The following TACR1 variants were observed in gnomAD, a reference collection of about 807,000 sequenced individuals.
The protein encoded by TACR1 is tachykinin receptor 1.
TACR1 carries 25 observed loss-of-function variants against 35.8 expected under a neutral mutation model. The ratio of observed to expected loss-of-function variants is 0.70; its 90% confidence interval spans 0.51 to 0.98. The LOEUF is 0.98. Among genes scored for constraint, TACR1 ranks in the 50% least tolerant of loss-of-function variants. The pLI is 0.00. For synonymous variants in TACR1, 195 were observed against 206.7 expected (o/e 0.94, Z 0.48); for missense variants, 478 against 522.9 (o/e 0.91, Z 0.84).
rs546959281 is a variant in TACR1 at position 75,119,762 on chromosome 2, A to G, written c.584+812T>C. On this transcript the variant is annotated intron_variant, in intron 2 of 4. Coordinates refer to ENST00000305249, the MANE Select transcript of TACR1 (RefSeq NM_001058.4). ...CATGTGTTTCACCTGCACATATTCT[A>G]TTTCTCCAGCTGTAAAATCCTGGGT... Among the ~76,000 whole-genome samples, 5 of 152,242 alleles carry G rather than the reference A, an allele frequency of 3.3e-5. No homozygotes were observed. In the South Asian group the frequency reaches 8.3e-4, roughly 25 times the overall value.
intron 2 of TACR1, among the ~76,000 whole-genome samples, chr2:75,100,592 T>C (rs1385334921): frequency 6.6e-6 from 1 of 152,220 alleles, no homozygotes; most frequent in Non-Finnish European, 1.5e-5. Flanking sequence ...CAGCACTAAC[T>C]ACTGTATCCA....
intron 2 of TACR1, among the ~76,000 whole-genome samples, chr2:75,110,648 A>G (rs574354342): frequency 5.5e-4 from 84 of 152,040 alleles, no homozygotes; most frequent in Non-Finnish European, 1.1e-3. Flanking sequence ...ATAATATATG[A>G]TCGGTATTAT....
intron 2 of TACR1, among the ~76,000 whole-genome samples, chr2:75,098,080 A>G (rs1299966135): frequency 6.6e-6 from 1 of 152,202 alleles, no homozygotes; most frequent in Non-Finnish European, 1.5e-5. Context: ...AAAATAATAC[A>G]CATACCATAG....
intron 2 of TACR1, among the ~76,000 whole-genome samples, chr2:75,068,378 C>T (rs1207123136): frequency 6.6e-6 from 1 of 152,160 alleles, no homozygotes; most frequent in Non-Finnish European, 1.5e-5. Flanking sequence ...ATCGCGTTTA[C>T]AGATACCTTC....
chr2:75,066,370 T>A (rs1450020814), intron 2 of TACR1, among the ~76,000 whole-genome samples: 1 of 152,216 alleles, frequency 6.6e-6, no homozygotes, highest in Admixed American at 6.5e-5. Flanking sequence ...TCTGCTCAGA[T>A]GAGCTAAGAA....
chr2:75,073,257 A>G (rs1672916906), intron 2 of TACR1, among the ~76,000 whole-genome samples: 1 of 152,238 alleles, frequency 6.6e-6, no homozygotes, highest in Non-Finnish European at 1.5e-5. Flanking sequence ...TAATTTTTAC[A>G]GAGAAGCTCC....
intron 2 of TACR1, among the ~76,000 whole-genome samples, chr2:75,086,416 G>T (rs912840754): frequency 6.6e-6 from 1 of 152,192 alleles, no homozygotes; most frequent in African/African-American, 2.4e-5. Context: ...TATCATGCCT[G>T]TTTTATAAAG....
intron 1 of TACR1, among the ~76,000 whole-genome samples, chr2:75,169,829 T>G (rs1310537929): frequency 7.2e-5 from 11 of 152,224 alleles, no homozygotes; most frequent in Non-Finnish European, 1.6e-4. Flanking sequence ...TGGCTTGTCT[T>G]TTTCATAACT....
At chr2:75,091,708 A>AT (rs1201677892) in intron 2 of TACR1, among the ~76,000 whole-genome samples, 1 of 152,144 alleles carries the variant, frequency 6.6e-6, no homozygotes, top group East Asian at 1.9e-4. Flanking sequence ...GGCACAACAA[A>AT]TGACCTGACG....
intron 1 of TACR1, among the ~76,000 whole-genome samples, chr2:75,178,765 C>T (rs1231470064): frequency 6.6e-6 from 1 of 152,124 alleles, no homozygotes; most frequent in Admixed American, 6.6e-5. Context: ...CTTCCTTCTT[C>T]CCGAAATGCT....
At chr2:75,100,905 A>G (rs1334762351) in intron 2 of TACR1, among the ~76,000 whole-genome samples, 3 of 152,202 alleles carry the variant, frequency 2.0e-5, no homozygotes, top group Admixed American at 6.5e-5. Flanking sequence ...ATAGATTACT[A>G]TAAGAAAAAA....
At chr2:75,155,443 A>G (rs780018538) in intron 1 of TACR1, among the ~76,000 whole-genome samples, 3 of 145,024 alleles carry the variant, frequency 2.1e-5, no homozygotes, top group African/African-American at 7.7e-5. Flanking sequence ...TCCTCTCTCT[A>G]TCTCTACCTC....
chr2:75,163,575 G>GA (rs1344126725), intron 1 of TACR1, among the ~76,000 whole-genome samples: 2 of 152,102 alleles, frequency 1.3e-5, no homozygotes, highest in African/African-American at 4.8e-5. Flanking sequence ...AGATAAATGA[G>GA]AAAAAAGTTG....
intron 2 of TACR1, among the ~76,000 whole-genome samples, chr2:75,088,980 A>G (rs543045580): frequency 3.3e-4 from 50 of 152,256 alleles, no homozygotes; most frequent in Non-Finnish European, 5.9e-4. Flanking sequence ...CACAGAGAGC[A>G]TCAAGCTCTC....
intron 2 of TACR1, among the ~76,000 whole-genome samples, chr2:75,099,473 T>G (rs1337654125): frequency 6.6e-6 from 1 of 152,202 alleles, no homozygotes; most frequent in Non-Finnish European, 1.5e-5. Context: ...CTTTCCTTCC[T>G]TGTCCATCAA....
At chr2:75,087,915 C>G (rs960962598) in intron 2 of TACR1, among the ~76,000 whole-genome samples, 2 of 152,194 alleles carry the variant, frequency 1.3e-5, no homozygotes, top group Non-Finnish European at 2.9e-5. Flanking sequence ...TAAAGAACTA[C>G]TCACTGATGA....
intron 2 of TACR1, among the ~76,000 whole-genome samples, chr2:75,113,794 C>CTGTGTTT (rs1673801064): frequency 6.6e-6 from 1 of 151,986 alleles, no homozygotes; most frequent in South Asian, 2.1e-4. Context: ...TATGTTGACA[C>CTGTGTTT]CCCTTTGGCC....
intron 1 of TACR1, among the ~76,000 whole-genome samples, chr2:75,190,498 G>C (rs1039664833): frequency 2.6e-5 from 4 of 152,202 alleles, no homozygotes; most frequent in Admixed American, 2.6e-4. Context: ...TGTACTTGAT[G>C]TAGAAGGAAT....
chr2:75,051,557 G>A (rs375805067), intron 3 of TACR1, 110 bp from the exon 4 acceptor site: 28 of 1,516,396 alleles, frequency 1.8e-5, no homozygotes, highest in Non-Finnish European at 2.4e-5. Flanking sequence ...GAAGCGAGAA[G>A]TATTTAAAAG....
Sources: gnomAD v4.1 joint callset for allele counts (sites outside exome capture counted in the v4.1 genomes callset) on GRCh38, gnomAD v4.1.1 for gene constraint, MANE v1.5 for transcripts, NCBI Gene and HGNC (gene_info 2026-07-23, HGNC 2026-07-21) for gene names.